The following ITGA5 variants were observed in gnomAD, a reference collection of about 807,000 sequenced individuals.
ITGA5 encodes integrin subunit alpha 5, also known as integrin alpha-5.
A neutral mutation model predicts 146.3 loss-of-function variants in ITGA5; 55 were observed. That is an observed-to-expected ratio of 0.38 (90% CI 0.30 to 0.47). ITGA5 has a LOEUF of 0.47. Among genes scored for constraint, ITGA5 ranks in the 20% least tolerant of loss-of-function variants. ITGA5 has a pLI of 0.99. For missense variants in ITGA5, 1,131 were observed against 1,329.0 expected, an observed-to-expected ratio of 0.85 and a Z score of 2.32; for synonymous variants, 500 against 531.8, an observed-to-expected ratio of 0.94 and a Z score of 0.82.
In ITGA5 at chr12:54,404,261, T is replaced by C; in HGVS notation, c.1464-15A>G. On this transcript the variant is annotated splice_polypyrimidine_tract_variant and intron_variant, in intron 14 of 29. Transcript: ENST00000293379. ...TGGGGCGGCCCCTGCCAAGAGTGAATGTGGGGTCAATAGAATTAGGACTCC... is the reference window on the plus strand; with the variant it reads ...TGGGGCGGCCCCTGCCAAGAGTGAACGTGGGGTCAATAGAATTAGGACTCC... The C allele has an allele frequency of 6.3e-7, 1 of 1,597,076 alleles. No individual in the cohort carries two copies. Among genetic ancestry groups the C allele is most frequent in the African/African-American group, 1.3e-5 (1 of 74,432 alleles).
In ITGA5 at chr12:54,396,166, T is replaced by C; in HGVS notation, c.*127A>G. On this transcript the variant is annotated 3_prime_UTR_variant, in exon 30 of 30. Coordinates refer to ENST00000293379, the MANE Select transcript of ITGA5 (RefSeq NM_002205.5). The stretch of plus-strand genomic sequence containing the variant: ...GGCTCTGGCCCTTCAAGTATGTCTC[T>C]GGGCTGGGGAGAGGAGCTTCTCCCT... 2 of 718,776 alleles carry C rather than the reference T, an allele frequency of 2.8e-6. No homozygotes were observed. The highest frequency in any genetic ancestry group is 1.7e-5 in the South Asian group (1 of 57,934). 44.5% of individuals were successfully genotyped at this position (718,776 alleles called of 1,614,324 possible). A position where few individuals can be genotyped will look rare whatever the true frequency, so the allele number is the denominator to read the frequency against.
chr12:54,402,836 C>T, intron 19 of ITGA5, 147 bp downstream of exon 19: 1 of 632,098 alleles, frequency 1.6e-6, no homozygotes, highest in African/African-American at 1.8e-5. Context: ...GAAATAAATG[C>T]TACTATTCCC....
rs1955839930 is a variant in ITGA5, at chr12:54,404,771, C to A, written c.1349G>T (p.Ser450Ile). 5 of 1,614,120 alleles carry A rather than the reference C, an allele frequency of 3.1e-6. No individual in the cohort carries two copies. Among genetic ancestry groups the A allele is most frequent in the Non-Finnish European group, 4.2e-6 (5 of 1,179,988 alleles). ...SQVLQPLWAASHTPDFFGSAL... is the reference protein window; with the variant it reads ...SQVLQPLWAAIHTPDFFGSAL... ...AGAGCCAAAGAAGTCTGGGGTGTGG[C>A]TGGCTGCCCACAGGGGCTGCAGAAC... Residue 450 changes from serine to isoleucine, a missense_variant, in exon 13 of 30, where the codon AGC (serine) becomes ATC (isoleucine). Ser to Ile is a moderately radical substitution (Grantham distance 142). Around this residue, in one of 3 missense-constraint regions of ITGA5, gnomAD observed 889 missense variants for 1,021.5 expected, o/e 0.87. Coordinates refer to ENST00000293379, the MANE Select transcript of ITGA5 (RefSeq NM_002205.5).
chr12:54,407,996 G>C, intron 7 of ITGA5, 114 bp downstream of exon 7: 1 of 1,529,340 alleles, frequency 6.5e-7, no homozygotes. Context: ...CACATGACAA[G>C]TATGGCAGGG....
chr12:54,401,493 G>A lies in ITGA5; in HGVS notation c.2388-15C>T. The A allele has an allele frequency of 6.2e-7, 1 of 1,610,938 alleles. No individual in the cohort carries two copies. Among genetic ancestry groups the A allele is most frequent in the Admixed American group, 1.7e-5 (1 of 60,008 alleles). ...GCTTGGAGACACTAAGGAGGAGGGT[G>A]GTTTAGAGGAGGGTGGAAGGAACCC... On this transcript the variant is annotated splice_polypyrimidine_tract_variant and intron_variant, in intron 23 of 29. Transcript: ENST00000293379. This position sits in a 1 kb window ranked among gnomAD's most constrained non-coding sequence, Gnocchi z 5.0.
Position 54,419,229 on chromosome 12 carries a change from C to A in ITGA5, c.-31G>T, listed in dbSNP as rs998526859. ...CCGCTCTTCCCTGTCCTGGGGCCACCGACCCGGAGCCGCTTCCTAAACCTC... is the reference window on the plus strand; with the variant it reads ...CCGCTCTTCCCTGTCCTGGGGCCACAGACCCGGAGCCGCTTCCTAAACCTC... On this transcript the variant is annotated 5_prime_UTR_variant, in exon 1 of 30. Transcript: ENST00000293379. 1.3e-5 allele frequency: 20 copies of A among 1,547,106 alleles called. No homozygotes were observed. Among genetic ancestry groups the A allele is most frequent in the Non-Finnish European group, 1.7e-5 (20 of 1,146,550 alleles).
At position 54,408,192 on chromosome 12, in the gene ITGA5, A is replaced by G; in HGVS notation, c.735T>C (p.Tyr245=). ...CCAGGTTGATCAGGTACTCGGGGTA[A>G]TAAGATTCTGCAATCTGCTCCTGAG... The part of the protein sequence containing the change: ...SATQEQIAES[Y]YPEYLINLVQ... Residue 245 remains tyrosine (Y), a synonymous_variant, in exon 7 of 30, where the codon TAT becomes TAC. Transcript: ENST00000293379. The G allele has an allele frequency of 6.2e-7, 1 of 1,614,136 alleles. No individual in the cohort carries two copies. The highest frequency in any genetic ancestry group is 8.5e-7 in the Non-Finnish European group (1 of 1,180,032).
rs772595043 is a variant in ITGA5 at position 54,401,408 on chromosome 12, C to T, written c.2458G>A (p.Glu820Lys). 3 of 1,613,946 alleles carry T rather than the reference C, an allele frequency of 1.9e-6. No individual in the cohort carries two copies. The highest frequency in any genetic ancestry group is 2.5e-6 in the Non-Finnish European group (3 of 1,179,830). ...WHPRDQPQKE[E>K]DLGPAVHHVY... Reference sequence around the variant, plus strand: ...TGGTGGACAGCAGGTCCCAGGTCCTCCTCCTTCTGAGGCTGGTCTCGGGGA... The same window carrying T: ...TGGTGGACAGCAGGTCCCAGGTCCTTCTCCTTCTGAGGCTGGTCTCGGGGA... The change falls in exon 24 of 30, where the codon GAG becomes AAG. Residue 820 changes from glutamate (E) to lysine (K), a missense_variant. Transcript: ENST00000293379. This position sits in a 1 kb window ranked among gnomAD's most constrained non-coding sequence, Gnocchi z 5.0.
In ITGA5 at chr12:54,401,913, C is replaced by T. The variant is rs775846516; in HGVS notation, c.2227-58G>A. 7.0e-5 allele frequency: 112 copies of T among 1,594,730 alleles called. No homozygotes were observed. The highest frequency in any genetic ancestry group is 3.3e-4 in the Middle Eastern group (2 of 6,030). On this transcript the variant is annotated intron_variant, in intron 21 of 29. Coordinates refer to ENST00000293379, the MANE Select transcript of ITGA5 (RefSeq NM_002205.5). The surrounding 1 kb of genome is among the most constrained non-coding windows in gnomAD (Gnocchi z 5.0). ...TAGACTGTGTATTTCACCCTCCCTC[C>T]GCACCTCACAGCTGTGCTCTCGGCT...
chr12:54,400,854 C>A lies in ITGA5; in HGVS notation c.2635G>T (p.Gly879Cys), dbSNP rs1160993168. 6.2e-7 allele frequency: 1 copy of A among 1,613,786 alleles called. No individual in the cohort carries two copies. Among genetic ancestry groups the A allele is most frequent in the Admixed American group, 1.7e-5 (1 of 59,950 alleles). ...AGTGTTCAGGATCTCACCTCCAGGC[C>A]CTTTGGGTTAATGGGGTGATTGGTG... ...CTTNHPINPK[G>C]LELDPEGSLH... The change falls in exon 25 of 30, where the codon GGC becomes TGC. Residue 879 changes from glycine (G) to cysteine (C), a missense_variant. By Grantham distance (159) the Gly-to-Cys change is radical. This residue lies in a region of ITGA5 where 889 missense variants were observed against 1,021.5 expected (regional missense o/e 0.87). Transcript: ENST00000293379.
Position 54,396,244 on chromosome 12 carries a change from G to T in ITGA5, c.*49C>A. The T allele has an allele frequency of 7.1e-7, 1 of 1,418,290 alleles. No homozygotes were observed. Among genetic ancestry groups the T allele is most frequent in the South Asian group, 1.1e-5 (1 of 87,088 alleles). 87.9% of individuals were successfully genotyped at this position (1,418,290 alleles called of 1,614,324 possible). A position where few individuals can be genotyped will look rare whatever the true frequency, so the allele number is the denominator to read the frequency against. On this transcript the variant is annotated 3_prime_UTR_variant, in exon 30 of 30. Coordinates refer to ENST00000293379, the MANE Select transcript of ITGA5 (RefSeq NM_002205.5). Reference sequence around the variant, plus strand: ...AGACCCCTCCTTTTCAGTAGAATGAGGGTGGGGGGACTGGTTCTTCAGGAA... The same window carrying T: ...AGACCCCTCCTTTTCAGTAGAATGATGGTGGGGGGACTGGTTCTTCAGGAA...
Position 54,402,184 on chromosome 12 carries a change from G to A in ITGA5, c.2129C>T (p.Pro710Leu), listed in dbSNP as rs1955795197. The A allele has an allele frequency of 6.8e-6, 11 of 1,613,482 alleles. No individual in the cohort carries two copies. Among genetic ancestry groups the A allele is most frequent in the Non-Finnish European group, 9.3e-6 (11 of 1,179,520 alleles). ...CACTCGAGAGTCTCATCTCACCCCTGGGTGTCTGACGAGTCCTGAGTACTC... is the reference window on the plus strand; with the variant it reads ...CACTCGAGAGTCTCATCTCACCCCTAGGTGTCTGACGAGTCCTGAGTACTC... ...EAEYSGLVRH[P>L]GNFSSLSCDY... Residue 710 changes from proline (P) to leucine (L), a missense_variant, in exon 20 of 30, where the codon CCA (proline) becomes CTA (leucine). By Grantham distance (98) the Pro-to-Leu change is moderately conservative (BLOSUM62 -3). Coordinates refer to ENST00000293379, the MANE Select transcript of ITGA5 (RefSeq NM_002205.5).
chr12:54,404,622 T>C, intron 13 of ITGA5, 81 bp downstream of exon 13: 1 of 1,501,598 alleles, frequency 6.7e-7, no homozygotes, highest in South Asian at 1.1e-5. Context: ...ACCCAGGAAC[T>C]TAAGGAAAGG....
rs908739736 is a variant in ITGA5, at chr12:54,409,422, C to T, written c.462+63G>A. 3.1e-5 allele frequency: 50 copies of T among 1,609,300 alleles called. No individual in the cohort carries two copies. Among genetic ancestry groups the T allele is most frequent in the Non-Finnish European group, 3.9e-5 (46 of 1,177,554 alleles). ...GGCCCTTCCTCCCTCCCTCCAGGCCCGGCCTTACCCAACCACTGCCCATCC... is the reference window on the plus strand; with the variant it reads ...GGCCCTTCCTCCCTCCCTCCAGGCCTGGCCTTACCCAACCACTGCCCATCC... On this transcript the variant is annotated intron_variant, in intron 3 of 29. Coordinates refer to ENST00000293379, the MANE Select transcript of ITGA5 (RefSeq NM_002205.5). The surrounding 1 kb of genome is among the most constrained non-coding windows in gnomAD (Gnocchi z 4.7).
intron 29 of ITGA5, among the ~76,000 whole-genome samples, chr12:54,396,849 A>C (rs1592282344): frequency 6.6e-6 from 1 of 151,876 alleles, no homozygotes; most frequent in East Asian, 1.9e-4. Context: ...AAACCTGGCT[A>C]ATCTTTGTGT....
In ITGA5 at chr12:54,403,873, T is replaced by A; in HGVS notation, c.1621+38A>T. ...CCAGGTCCCCAGTCCCTTCATTCTC[T>A]GTCCTAGGGCCTGAGAGATCCAGGC... On this transcript the variant is annotated intron_variant, in intron 16 of 29. Coordinates refer to ENST00000293379, the MANE Select transcript of ITGA5 (RefSeq NM_002205.5). This position sits in a 1 kb window ranked among gnomAD's most constrained non-coding sequence, Gnocchi z 4.9. 1.2e-6 allele frequency: 2 copies of A among 1,612,086 alleles called. No homozygotes were observed. Among genetic ancestry groups the A allele is most frequent in the South Asian group, 1.1e-5 (1 of 91,024 alleles).
intron 6 of ITGA5, 43 bp downstream of exon 6, chr12:54,408,709 CAAAA>C (rs762766669): frequency 5.3e-3 from 6,239 of 1,177,254 alleles, no homozygotes; most frequent in Middle Eastern, 6.9e-3. Flanking sequence ...GACTTCGTCT[CAAAA>C]AAAAAAAAAA....
chr12:54,398,705 G>T lies in ITGA5; in HGVS notation c.2842-7C>A. 6.3e-7 allele frequency: 1 copy of T among 1,588,378 alleles called. No individual in the cohort carries two copies. The highest frequency in any genetic ancestry group is 8.6e-7 in the Non-Finnish European group (1 of 1,167,264). ...TAAATGGCTGGTGCTCCCGCTGTGG[G>T]TAGGGGAAAGTTGGTTAGCACATCC... On this transcript the variant is annotated splice_region_variant and splice_polypyrimidine_tract_variant and intron_variant, in intron 27 of 29. Transcript: ENST00000293379.
Position 54,403,149 on chromosome 12 carries a change from C to T in ITGA5, c.1914+38G>A, listed in dbSNP as rs1024253335. The T allele has an allele frequency of 1.3e-6, 2 of 1,585,964 alleles. No individual in the cohort carries two copies. The highest frequency in any genetic ancestry group is 2.7e-5 in the African/African-American group (2 of 73,662). ...CCCTGCCCCCCCAATACCCAGGCCT[C>T]TGTCTTCCCAGGTCCCTTCTCCCTG... On this transcript the variant is annotated intron_variant, in intron 18 of 29. Transcript: ENST00000293379. The surrounding 1 kb of genome is among the most constrained non-coding windows in gnomAD (Gnocchi z 4.9).
Sources: allele counts gnomAD v4.1 joint callset (sites outside exome capture counted in the v4.1 genomes callset), GRCh38; gene constraint gnomAD v4.1.1; regional missense constraint gnomAD v4.1.1; non-coding constraint Gnocchi (gnomAD v3.1); transcripts MANE v1.5; gene names NCBI Gene and HGNC (gene_info 2026-07-23, HGNC 2026-07-21).